The following CEP85 variants were observed in gnomAD, a reference collection of about 807,000 sequenced individuals.
CEP85 encodes the protein centrosomal protein of 85 kDa.
In CEP85, 58 loss-of-function variants were observed where a neutral mutation model predicts 93.7. That is an observed-to-expected ratio of 0.62 (90% CI 0.50 to 0.77). The LOEUF (loss-of-function observed/expected upper bound fraction) is 0.77. Among genes scored for constraint, CEP85 ranks in the 30% least tolerant of loss-of-function variants. The pLI is 0.00. For synonymous variants in CEP85, 314 were observed against 338.6 expected, an observed-to-expected ratio of 0.93 and a Z score of 0.80; for missense variants, 868 against 922.0, an observed-to-expected ratio of 0.94 and a Z score of 0.76.
intron 1 of CEP85, among the ~76,000 whole-genome samples, chr1:26,237,439 T>G (rs2089343296): frequency 6.6e-6 from 1 of 152,202 alleles, no homozygotes; most frequent in Non-Finnish European, 1.5e-5. Flanking sequence ...TTCTGACATT[T>G]CATATAAATA....
intron 11 of CEP85, 163 bp downstream of exon 11, chr1:26,272,234 A>G: frequency 1.5e-6 from 1 of 680,786 alleles, no homozygotes; most frequent in South Asian, 1.8e-5. Flanking sequence ...AGAGGACACA[A>G]ATATAGTAGG....
rs2089832551 is a variant in CEP85 at position 26,262,811 on chromosome 1, A to G, written c.1341+3009A>G. Reference sequence around the variant, plus strand: ...AGGCTAAAATCTAGTGAATCTTCTCACTTCAATTTCCACCTCTCTGGCTCA... The same window carrying G: ...AGGCTAAAATCTAGTGAATCTTCTCGCTTCAATTTCCACCTCTCTGGCTCA... On this transcript the variant is annotated intron_variant, in intron 7 of 13. Transcript: ENST00000451429. Among the ~76,000 whole-genome samples, 2 of 152,200 alleles carry G rather than the reference A, an allele frequency of 1.3e-5. 1 individual carries two copies. The highest frequency in any genetic ancestry group is 4.1e-4 in the South Asian group (2 of 4,828).
chr1:26,250,947 T>TGAGACAGAGTC (rs2089602456), intron 3 of CEP85, among the ~76,000 whole-genome samples: 1 of 130,984 alleles, frequency 7.6e-6, no homozygotes, highest in East Asian at 2.3e-4. Flanking sequence ...TTTTTTTTTT[T>TGAGACAGAGTC]TTTTTTTTTT....
At chr1:26,268,751 G>A in intron 8 of CEP85, 116 bp downstream of exon 8, 1 of 1,076,336 alleles carries the variant, frequency 9.3e-7, no homozygotes, top group Non-Finnish European at 1.3e-6. Context: ...GAATCCCAAA[G>A]CAGTCATGTC....
At chr1:26,272,350 A>C (rs1453562397) in intron 11 of CEP85, 2 of 431,386 alleles carry the variant, frequency 4.6e-6, no homozygotes, top group Non-Finnish European at 8.5e-6. Flanking sequence ...GGAGATCCTG[A>C]ACCTACAAGG....
At chr1:26,249,481 CTTTAAA>C (rs2089570464) in intron 3 of CEP85, among the ~76,000 whole-genome samples, 2 of 152,018 alleles carry the variant, frequency 1.3e-5, no homozygotes, top group South Asian at 4.1e-4. Flanking sequence ...ATTGTTGCAT[CTTTAAA>C]TTTAATAGGC....
intron 3 of CEP85, among the ~76,000 whole-genome samples, chr1:26,246,501 A>G (rs1306987206): frequency 6.6e-6 from 1 of 152,180 alleles, no homozygotes; most frequent in Non-Finnish European, 1.5e-5. Flanking sequence ...TGGGAGGCCA[A>G]GGCGGGTGGA....
chr1:26,268,460 A>T, intron 7 of CEP85, 23 bp from the exon 8 acceptor site: 2 of 1,613,998 alleles, frequency 1.2e-6, no homozygotes, highest in Non-Finnish European at 1.7e-6. Context: ...TGGTGGAGAC[A>T]GACTTGACAT....
intron 3 of CEP85, among the ~76,000 whole-genome samples, chr1:26,250,932 CTTTTTTTTTT>C (rs869156420): frequency 6.3e-4 from 11 of 17,524 alleles, no homozygotes; most frequent in Admixed American, 1.9e-3. Context: ...TTTCTTTTTT[CTTTTTTTTTT>C]TTTTTTTTTT....
chr1:26,264,036 T>C, intron 7 of CEP85, among the ~76,000 whole-genome samples: 1 of 152,244 alleles, frequency 6.6e-6, no homozygotes, highest in East Asian at 1.9e-4. Context: ...ATGCTTTTCC[T>C]GCGCTTTTTT....
intron 7 of CEP85, 99 bp downstream of exon 7, chr1:26,259,901 C>A: frequency 1.1e-6 from 1 of 942,754 alleles, no homozygotes; most frequent in African/African-American, 1.7e-5. Context: ...TAAGAGGAGA[C>A]AATTGGGTGA....
intron 11 of CEP85, among the ~76,000 whole-genome samples, chr1:26,273,416 T>C (rs2090006827): frequency 6.6e-6 from 1 of 152,200 alleles, no homozygotes; most frequent in African/African-American, 2.4e-5. Flanking sequence ...TTTCAAGTCC[T>C]GTAAGGAGGT....
At chr1:26,257,775 C>G in intron 5 of CEP85, 45 bp downstream of exon 5, 1 of 1,606,768 alleles carries the variant, frequency 6.2e-7, no homozygotes, top group Non-Finnish European at 8.5e-7. Context: ...CTCTCCCAGG[C>G]CCCATTGAAG....
chr1:26,263,935 G>C (rs1467444479), intron 7 of CEP85, among the ~76,000 whole-genome samples: 1 of 152,142 alleles, frequency 6.6e-6, no homozygotes, highest in Non-Finnish European at 1.5e-5. Context: ...ACCAGCTGTG[G>C]GACTCGAGTA....
rs560262963 is a variant in CEP85 at position 26,256,843 on chromosome 1, C to T, written c.904-754C>T. Among the ~76,000 whole-genome samples the T allele has an allele frequency of 9.9e-5, 15 of 151,794 alleles. No homozygotes were observed. In the South Asian group the frequency reaches 1.5e-3, roughly 15 times the overall value. On this transcript the variant is annotated intron_variant, in intron 4 of 13. Transcript: ENST00000451429. ...CGAACTCCTGACCTTGTGATCCGCC[C>T]GCCTCAGCCTCCGAAAGTGCTGGGA...
intron 2 of CEP85, 132 bp from the exon 3 acceptor site, chr1:26,244,020 AGATCGGAGCAGCTG>A: frequency 1.9e-6 from 1 of 536,670 alleles, no homozygotes. Flanking sequence ...AAAAAAAACT[AGATCGGAGCAGCTG>A]AAATAGGCAC....
chr1:26,241,884 C>T (rs2089433161), intron 2 of CEP85, among the ~76,000 whole-genome samples: 1 of 151,968 alleles, frequency 6.6e-6, no homozygotes, highest in Non-Finnish European at 1.5e-5. Context: ...GCCTCAGCCT[C>T]CCAAGTAGCT....
At chr1:26,235,910 C>T (rs1422386707) in intron 1 of CEP85, among the ~76,000 whole-genome samples, 1 of 152,162 alleles carries the variant, frequency 6.6e-6, no homozygotes, top group Non-Finnish European at 1.5e-5. Flanking sequence ...AAAATACTTA[C>T]GGCAGTCAAA....
intron 3 of CEP85, among the ~76,000 whole-genome samples, chr1:26,253,530 C>T (rs1240199291): frequency 6.6e-6 from 1 of 151,696 alleles, no homozygotes; most frequent in Non-Finnish European, 1.5e-5. Flanking sequence ...GCTGGGACTA[C>T]AGGCGCGTGC....
Sources: gnomAD v4.1 joint callset for allele counts (sites outside exome capture counted in the v4.1 genomes callset) on GRCh38, gnomAD v4.1.1 for gene constraint, MANE v1.5 for transcripts, NCBI Gene and HGNC (gene_info 2026-07-23, HGNC 2026-07-21) for gene names.